TUBB1: variants seen among roughly 807,000 people sequenced by gnomAD.
TUBB1 encodes the protein tubulin beta-1 chain.
Under a neutral mutation model 22.6 loss-of-function variants are expected in TUBB1, and 28 were observed. The observed-to-expected ratio is 1.24, with a 90% CI of 0.92 to 1.70. The LOEUF (loss-of-function observed/expected upper bound fraction) is 1.70. Among genes scored for constraint, TUBB1 ranks in the 40% most tolerant of loss-of-function variants. The pLI, the probability that TUBB1 is intolerant of heterozygous loss-of-function variation, is 0.00. For synonymous variants in TUBB1, 226 were observed against 238.0 expected (o/e 0.95, Z 0.46); for missense variants, 577 against 605.5 (o/e 0.95, Z 0.49).
At chr20:59,022,688 C>T (rs973986199) in intron 1 of TUBB1, among the ~76,000 whole-genome samples, 157 bp from the exon 2 acceptor site, 6 of 152,034 alleles carry the variant, frequency 3.9e-5, no homozygotes, top group East Asian at 1.9e-4. Flanking sequence ...AGGCAAAAAG[C>T]GAATGATGCC....
In TUBB1 at chr20:59,024,464, CCAA is replaced by C. The variant is rs773185354; in HGVS notation, c.1042_1044del (p.Asn348del). 58 of 1,614,084 alleles carry C rather than the reference CCAA, an allele frequency of 3.6e-5. No homozygotes were observed. The highest frequency in any genetic ancestry group is 1.2e-4 in the Admixed American group (7 of 60,008). ...AGCAGCTGCTTTGTGGAGTGGATTC[CCAA>C]CAACGTCAAGGTGGCTGTCTGCGAC... On this transcript the variant is annotated inframe_deletion, in exon 4 of 4. Transcript: ENST00000217133. This position sits in a 1 kb window ranked among gnomAD's most constrained non-coding sequence, Gnocchi z 4.9.
intron 3 of TUBB1, 21 bp downstream of exon 3, chr20:59,023,621 C>T (rs760459421): frequency 8.7e-6 from 14 of 1,613,572 alleles, no homozygotes; most frequent in Non-Finnish European, 1.1e-5. Flanking sequence ...CCAGAAGGTT[C>T]CACCAGGAGG....
Position 59,024,180 on chromosome 20 carries a change from C to T in TUBB1, c.753C>T (p.Arg251=). 2 of 1,614,266 alleles carry T rather than the reference C, an allele frequency of 1.2e-6. No homozygotes were observed. Among genetic ancestry groups the T allele is most frequent in the Non-Finnish European group, 1.7e-6 (2 of 1,180,054 alleles). The change falls in exon 4 of 4, where the codon CGC becomes CGT. Residue 251 remains arginine, a synonymous_variant. Coordinates refer to ENST00000217133, the MANE Select transcript of TUBB1 (RefSeq NM_030773.4). This position sits in a 1 kb window ranked among gnomAD's most constrained non-coding sequence, Gnocchi z 4.9. The part of the protein sequence containing the change: ...RFPGQLNADL[R]KLAVNMVPFP... ...CGGGTCAGCTCAACGCAGACCTGCG[C>T]AAGCTGGCGGTGAACATGGTCCCCT...
chr20:59,022,036 A>C (rs7345191), intron 1 of TUBB1, among the ~76,000 whole-genome samples: 1 of 141,016 alleles, frequency 7.1e-6, no homozygotes, highest in Non-Finnish European at 1.6e-5. Flanking sequence ...AACATAAAAA[A>C]ATAAAAAAAA....
chr20:59,025,032 G>A lies in TUBB1; in HGVS notation c.*249G>A. 1.8e-6 allele frequency: 1 copy of A among 541,232 alleles called. No individual in the cohort carries two copies. The highest frequency in any genetic ancestry group is 3.3e-6 in the Non-Finnish European group (1 of 300,440). 33.5% of individuals were successfully genotyped at this position (541,232 alleles called of 1,614,324 possible). On this transcript the variant is annotated 3_prime_UTR_variant, in exon 4 of 4. Transcript: ENST00000217133. The stretch of plus-strand genomic sequence containing the variant: ...GCATACTTATTAACTTAAAAAAATA[G>A]CAAATTTATTGTAAAGTGCTCCCTT...
At position 59,023,864 on chromosome 20, in the gene TUBB1, G is replaced by A. The variant is rs1403185885; in HGVS notation, c.437G>A (p.Gly146Glu). The A allele has an allele frequency of 6.2e-7, 1 of 1,614,002 alleles. No individual in the cohort carries two copies. The highest frequency in any genetic ancestry group is 1.7e-5 in the Admixed American group (1 of 60,000). ...TCCCTGGGCGGGGGCACAGGCTCCG[G>A]GATGGGCACTCTGCTCATGAACAAG... is the stretch of plus-strand genomic sequence containing the variant. ...VHSLGGGTGSGMGTLLMNKIR... is the reference protein window; with the variant it reads ...VHSLGGGTGSEMGTLLMNKIR... The change falls in exon 4 of 4, where the codon GGG (glycine) becomes GAG (glutamate). Residue 146 changes from glycine (G) to glutamate (E), a missense_variant. By Grantham distance (98) the Gly-to-Glu change is moderately conservative. Coordinates refer to ENST00000217133, the MANE Select transcript of TUBB1 (RefSeq NM_030773.4).
At chr20:59,017,802 G>T (rs147365503), upstream of TUBB1, among the ~76,000 whole-genome samples, 150 of 152,342 alleles carry the variant, frequency 9.8e-4, 1 homozygote, top group Non-Finnish European at 1.8e-3. Flanking sequence ...CCAGAGCTAG[G>T]AGTGCTCTCT....
Position 59,024,780 on chromosome 20 carries a change from T to C in TUBB1, c.1353T>C (p.His451=), listed in dbSNP as rs769389009. 1.9e-6 allele frequency: 3 copies of C among 1,613,876 alleles called. No individual in the cohort carries two copies. The highest frequency in any genetic ancestry group is 2.5e-6 in the Non-Finnish European group (3 of 1,179,944). The change falls in exon 4 of 4, where the codon CAT becomes CAC. Residue 451 remains histidine, a synonymous_variant. Transcript: ENST00000217133. The surrounding 1 kb of genome is among the most constrained non-coding windows in gnomAD (Gnocchi z 4.9). ...AAATGGAGCCAGAAGATAAGGGACATTAACTGTGAGAGAAGCTGTGCCGCG... is the reference window on the plus strand; with the variant it reads ...AAATGGAGCCAGAAGATAAGGGACACTAACTGTGAGAGAAGCTGTGCCGCG... ...EAEMEPEDKG[H]
chr20:59,017,594 G>C (rs535574245), upstream of TUBB1, among the ~76,000 whole-genome samples: 1 of 152,360 alleles, frequency 6.6e-6, no homozygotes, highest in East Asian at 1.9e-4. Flanking sequence ...GGAACACAAG[G>C]TTTAGGAGTC....
In TUBB1 at chr20:59,025,392, G is replaced by C. The variant is rs962082288; in HGVS notation, c.*609G>C. On this transcript the variant is annotated 3_prime_UTR_variant, in exon 4 of 4. Coordinates refer to ENST00000217133, the MANE Select transcript of TUBB1 (RefSeq NM_030773.4). ...CATACAACATGCTAACTGGAAAAGA[G>C]GAAAAAAGAAAAGCCACAGTCCTCT... 1 of 153,420 alleles carries C rather than the reference G, an allele frequency of 6.5e-6. No homozygotes were observed. Among genetic ancestry groups the C allele is most frequent in the African/African-American group, 2.4e-5 (1 of 41,384 alleles). The allele number at this position is 153,420 out of a possible 1,614,324, so 9.5% of individuals were successfully genotyped here. A position where few individuals can be genotyped will look rare whatever the true frequency, so the allele number is the denominator to read the frequency against.
chr20:59,022,701 GGTTA>G, intron 1 of TUBB1, 140 bp from the exon 2 acceptor site: 1 of 736,558 alleles, frequency 1.4e-6, no homozygotes, highest in Middle Eastern at 2.3e-4. Context: ...ATGATGCCAT[GGTTA>G]TTTATGAAAA....
chr20:59,018,026 G>A (rs1429883186), upstream of TUBB1, among the ~76,000 whole-genome samples: 1 of 152,222 alleles, frequency 6.6e-6, no homozygotes, highest in Non-Finnish European at 1.5e-5. Context: ...ACATCCTCGG[G>A]GCTTCAGGAG....
chr20:59,021,982 T>C (rs1049567456), intron 1 of TUBB1, among the ~76,000 whole-genome samples: 1 of 146,792 alleles, frequency 6.8e-6, no homozygotes, highest in Non-Finnish European at 1.5e-5. Context: ...GTGACAAGAG[T>C]GAAACTCTGT....
chr20:59,024,314 C>T lies in TUBB1; in HGVS notation c.887C>T (p.Ala296Val). 6.2e-7 allele frequency: 1 copy of T among 1,613,712 alleles called. No individual in the cohort carries two copies. Among genetic ancestry groups the T allele is most frequent in the Non-Finnish European group, 8.5e-7 (1 of 1,179,790 alleles). The part of the protein sequence containing the change: ...VAELTQQMFD[A>V]RNTMAACDLR... Reference sequence around the variant, plus strand: ...GAGCTCACCCAGCAGATGTTCGATGCCCGCAATACCATGGCTGCCTGTGAC... The same window carrying T: ...GAGCTCACCCAGCAGATGTTCGATGTCCGCAATACCATGGCTGCCTGTGAC... Residue 296 changes from alanine to valine, a missense_variant, in exon 4 of 4, where the codon GCC (alanine) becomes GTC (valine). Coordinates refer to ENST00000217133, the MANE Select transcript of TUBB1 (RefSeq NM_030773.4). The surrounding 1 kb of genome is among the most constrained non-coding windows in gnomAD (Gnocchi z 4.9).
intron 1 of TUBB1, among the ~76,000 whole-genome samples, chr20:59,021,716 C>T (rs1311259427): frequency 6.6e-6 from 1 of 152,186 alleles, no homozygotes; most frequent in Non-Finnish European, 1.5e-5. Context: ...CATTACTGGC[C>T]GGGCACAGTG....
chr20:59,024,831 T>C lies in TUBB1; in HGVS notation c.*48T>C. On this transcript the variant is annotated 3_prime_UTR_variant, in exon 4 of 4. Transcript: ENST00000217133. The surrounding 1 kb of genome is among the most constrained non-coding windows in gnomAD (Gnocchi z 4.9). The stretch of plus-strand genomic sequence containing the variant: ...GAGTCGCTTACAGAACAGTTTCTCA[T>C]TAGATGAGTGTTTCTCCTGCAGCAC... 6.4e-7 allele frequency: 1 copy of C among 1,562,864 alleles called. No individual in the cohort carries two copies. Among genetic ancestry groups the C allele is most frequent in the Non-Finnish European group, 8.8e-7 (1 of 1,134,432 alleles).
chr20:59,019,478 G>A lies in TUBB1; in HGVS notation c.-45G>A, dbSNP rs773864607. The A allele has an allele frequency of 1.9e-5, 30 of 1,610,086 alleles. 1 individual carries two copies. The East Asian group carries it at 6.7e-4, about 36-fold the overall frequency. ...TGAACCGAAGCTCTGGATTCTGAGAGTCTGAGGATTCCGTGAAGATCTCAG... is the reference window on the plus strand; with the variant it reads ...TGAACCGAAGCTCTGGATTCTGAGAATCTGAGGATTCCGTGAAGATCTCAG... On this transcript the variant is annotated 5_prime_UTR_variant, in exon 1 of 4. Transcript: ENST00000217133.
Position 59,024,633 on chromosome 20 carries a change from G to C in TUBB1, c.1206G>C (p.Gly402=), listed in dbSNP as rs756312159. The change falls in exon 4 of 4, where the codon GGG becomes GGC. Residue 402 remains glycine (G), a synonymous_variant. Coordinates refer to ENST00000217133, the MANE Select transcript of TUBB1 (RefSeq NM_030773.4). The surrounding 1 kb of genome is among the most constrained non-coding windows in gnomAD (Gnocchi z 4.9). ...KAFVHWYTSE[G]MDINEFGEAE... ...TTGTGCACTGGTACACCAGCGAAGGGATGGACATAAACGAATTTGGGGAAG... is the reference window on the plus strand; with the variant it reads ...TTGTGCACTGGTACACCAGCGAAGGCATGGACATAAACGAATTTGGGGAAG... The C allele has an allele frequency of 6.2e-7, 1 of 1,614,196 alleles. No individual in the cohort carries two copies.
Position 59,022,893 on chromosome 20 carries a change from G to T in TUBB1, c.106G>T (p.Asp36Tyr). The T allele has an allele frequency of 1.2e-6, 2 of 1,614,076 alleles. No homozygotes were observed. Among genetic ancestry groups the T allele is most frequent in the South Asian group, 1.1e-5 (1 of 91,044 alleles). The change falls in exon 2 of 4, where the codon GAC becomes TAC. Residue 36 changes from aspartate (D) to tyrosine (Y), a missense_variant. Transcript: ENST00000217133. Reference protein sequence around the residue: ...EEHGIDLAGSDRGASALQLER... With the variant: ...EEHGIDLAGSYRGASALQLER... ...ACACGGGATCGACTTGGCTGGGAGC[G>T]ACCGCGGGGCCTCGGCCTTGCAGCT...
Sources: allele counts gnomAD v4.1 joint callset (sites outside exome capture counted in the v4.1 genomes callset), GRCh38; gene constraint gnomAD v4.1.1; non-coding constraint Gnocchi (gnomAD v3.1); transcripts MANE v1.5; gene names NCBI Gene and HGNC (gene_info 2026-07-23, HGNC 2026-07-21).